The following CSMD2 variants were observed in gnomAD, a reference collection of about 807,000 sequenced individuals.
CSMD2 encodes CUB and sushi domain-containing protein 2.
In CSMD2, 130 loss-of-function variants were observed where a neutral mutation model predicts 398.5. The ratio of observed to expected loss-of-function variants is 0.33; its 90% CI spans 0.28 to 0.38. The LOEUF (loss-of-function observed/expected upper bound fraction) is 0.38. Among genes scored for constraint, CSMD2 ranks in the 10% least tolerant of loss-of-function variants. The probability of loss-of-function intolerance (pLI) is 1.00; values close to 1 mark genes in which losing one functional copy is unlikely to be tolerated. For missense variants in CSMD2, 3,829 were observed against 4,764.9 expected (o/e 0.80, Z 5.78); for synonymous variants, 1,828 against 1,908.5 (o/e 0.96, Z 1.10).
At chr1:33,541,015 T>C (rs763788157) in intron 59 of CSMD2, 115 bp downstream of exon 59, 7 of 1,069,358 alleles carry the variant, frequency 6.5e-6, no homozygotes, top group Non-Finnish European at 9.6e-6. Context: ...CATCCCCTGA[T>C]AAGATGTTAG....
chr1:33,778,269 T>A (rs912972190), intron 12 of CSMD2, among the ~76,000 whole-genome samples: 3 of 152,094 alleles, frequency 2.0e-5, no homozygotes, highest in Non-Finnish European at 4.4e-5. Flanking sequence ...TATCACAGCT[T>A]ACTGCAGCCT....
At chr1:34,055,965 G>C (rs4653384) in intron 2 of CSMD2, among the ~76,000 whole-genome samples, 8,430 of 152,242 alleles carry the variant, frequency 0.055, 344 homozygotes, top group East Asian at 0.2. Context: ...GCATTCATAA[G>C]ATGTGTATCA....
chr1:33,616,313 C>T (rs1641383182), intron 39 of CSMD2, among the ~76,000 whole-genome samples: 1 of 152,124 alleles, frequency 6.6e-6, no homozygotes, highest in East Asian at 1.9e-4. Flanking sequence ...TCTCAGCTCA[C>T]TGCAACCTCC....
chr1:33,983,250 T>C (rs796342069), intron 3 of CSMD2, among the ~76,000 whole-genome samples: 52 of 152,308 alleles, frequency 3.4e-4, no homozygotes, highest in African/African-American at 1.2e-3. Flanking sequence ...TGATTATTTT[T>C]TGAGCACTTA....
intron 3 of CSMD2, among the ~76,000 whole-genome samples, chr1:33,937,016 G>C (rs140187247): frequency 1.3e-5 from 2 of 152,340 alleles, no homozygotes; most frequent in Non-Finnish European, 2.9e-5. Flanking sequence ...CTTACCACCT[G>C]TGGGACCGTG....
At chr1:33,772,453 T>A in intron 13 of CSMD2, 116 bp downstream of exon 13, 1 of 840,414 alleles carries the variant, frequency 1.2e-6, no homozygotes, top group African/African-American at 1.7e-5. Context: ...CCAACCAGAG[T>A]GCAGCTGTTG....
intron 10 of CSMD2, chr1:33,804,695 G>C: frequency 1.4e-6 from 1 of 716,644 alleles, no homozygotes; most frequent in Non-Finnish European, 2.6e-6. Context: ...TGCTGAAGGA[G>C]ATGTCTGAAG....
intron 25 of CSMD2, among the ~76,000 whole-genome samples, chr1:33,666,420 C>T (rs1644318432): frequency 6.6e-6 from 1 of 152,078 alleles, no homozygotes; most frequent in Admixed American, 6.5e-5. Flanking sequence ...TGGTTTTCTT[C>T]TTTGCACACC....
intron 1 of CSMD2, among the ~76,000 whole-genome samples, chr1:34,129,290 G>A (rs1404442771): frequency 6.6e-6 from 1 of 152,144 alleles, no homozygotes; most frequent in African/African-American, 2.4e-5. Context: ...GTGTGTGTGT[G>A]CACATGTGCT....
At chr1:33,872,044 T>G (rs1270580415) in intron 5 of CSMD2, among the ~76,000 whole-genome samples, 1 of 152,158 alleles carries the variant, frequency 6.6e-6, no homozygotes, top group Non-Finnish European at 1.5e-5. Flanking sequence ...ACTACCATAT[T>G]GGGGATTAAC....
At chr1:33,657,036 G>GC (rs983727776) in intron 27 of CSMD2, among the ~76,000 whole-genome samples, 2 of 152,102 alleles carry the variant, frequency 1.3e-5, no homozygotes, top group African/African-American at 4.8e-5. Context: ...TCCCATCCCA[G>GC]CCTCCCTTCA....
intron 10 of CSMD2, among the ~76,000 whole-genome samples, chr1:33,800,142 C>A (rs1655422404): frequency 6.6e-6 from 1 of 152,204 alleles, no homozygotes; most frequent in Non-Finnish European, 1.5e-5. Flanking sequence ...CCTTGGCCCA[C>A]CCAGCCTCAG....
At chr1:34,088,880 G>T in intron 2 of CSMD2, 97 bp downstream of exon 2, 2 of 984,326 alleles carry the variant, frequency 2.0e-6, no homozygotes, top group Non-Finnish European at 1.6e-6. Flanking sequence ...GGTCTTTGTT[G>T]ATGACCATAA....
intron 13 of CSMD2, among the ~76,000 whole-genome samples, chr1:33,760,279 A>C (rs767244920): frequency 6.6e-6 from 1 of 152,226 alleles, no homozygotes; most frequent in Non-Finnish European, 1.5e-5. Flanking sequence ...TCCCAAGGCC[A>C]GGCTCTGCAC....
At chr1:33,870,947 C>G (rs986369709) in intron 5 of CSMD2, 1 of 152,296 alleles carries the variant, frequency 6.6e-6, no homozygotes, top group Non-Finnish European at 1.5e-5. Context: ...TGGCCAACAC[C>G]CAGTGAGGAA....
At chr1:33,766,599 C>A (rs1325278936) in intron 13 of CSMD2, among the ~76,000 whole-genome samples, 1 of 152,242 alleles carries the variant, frequency 6.6e-6, no homozygotes, top group African/African-American at 2.4e-5. Flanking sequence ...GTGCCCAATT[C>A]ATCTCTGAAT....
At chr1:33,966,505 C>T (rs941903216) in intron 3 of CSMD2, among the ~76,000 whole-genome samples, 2 of 152,102 alleles carry the variant, frequency 1.3e-5, no homozygotes, top group African/African-American at 4.8e-5. Flanking sequence ...GTTGTTGGGG[C>T]TTATGTGGCA....
At chr1:34,068,723 CCCA>C (rs1321309093) in intron 2 of CSMD2, among the ~76,000 whole-genome samples, 1 of 152,168 alleles carries the variant, frequency 6.6e-6, no homozygotes, top group Admixed American at 6.5e-5. Flanking sequence ...ATCTTGAATT[CCCA>C]CGTGTTGGGG....
At chr1:33,665,691 T>A (rs181798215) in intron 25 of CSMD2, among the ~76,000 whole-genome samples, 4 of 151,986 alleles carry the variant, frequency 2.6e-5, no homozygotes, top group African/African-American at 9.7e-5. Context: ...GCCTCCAAAA[T>A]TCCTGGGATT....
Sources: allele counts gnomAD v4.1 joint callset (sites outside exome capture counted in the v4.1 genomes callset), GRCh38; gene constraint gnomAD v4.1.1; transcripts MANE v1.5; gene names NCBI Gene and HGNC (gene_info 2026-07-23, HGNC 2026-07-21).